SHANK2: variants seen among roughly 807,000 people sequenced by gnomAD.
The protein encoded by SHANK2 is SH3 and multiple ankyrin repeat domains protein 2.
Under a neutral mutation model 133.7 loss-of-function variants are expected in SHANK2, and 43 were observed. That is an observed-to-expected ratio of 0.32 (90% CI 0.25 to 0.41). The LOEUF (loss-of-function observed/expected upper bound fraction) is 0.41. Among genes scored for constraint, SHANK2 ranks in the 10% least tolerant of loss-of-function variants. SHANK2 has a pLI of 1.00. For missense variants in SHANK2, 1,994 were observed against 2,235.8 expected (o/e 0.89, Z 2.18); for synonymous variants, 1,017 against 952.8 (o/e 1.07, Z -1.24).
rs966863522 is a variant in SHANK2, at chr11:70,882,189, G to A, written c.1174+14312C>T. Among the ~76,000 whole-genome samples, 7 of 152,166 alleles carry A rather than the reference G, an allele frequency of 4.6e-5. No individual in the cohort carries two copies. Among genetic ancestry groups the A allele is most frequent in the African/African-American group, 7.2e-5 (3 of 41,440 alleles). On this transcript the variant is annotated intron_variant, in intron 11 of 25. Coordinates refer to ENST00000601538, the MANE Select transcript of SHANK2 (RefSeq NM_012309.5). This position sits in a 1 kb window ranked among gnomAD's most constrained non-coding sequence, Gnocchi z 4.2. The stretch of plus-strand genomic sequence containing the variant: ...GGAGGAGGAGGAGGAGGGAGGGAGT[G>A]GGGAAAGGGAAGGAATGAGCAAGGG...
At chr11:71,112,025 C>G (rs1951898568) in intron 5 of SHANK2, among the ~76,000 whole-genome samples, 1 of 152,180 alleles carries the variant, frequency 6.6e-6, no homozygotes, top group Non-Finnish European at 1.5e-5. Flanking sequence ...ACAGGAAGGG[C>G]AACTGCCGCC....
intron 6 of SHANK2, among the ~76,000 whole-genome samples, chr11:71,109,454 C>G (rs1555098649): frequency 6.6e-6 from 1 of 152,222 alleles, no homozygotes; most frequent in African/African-American, 2.4e-5. Context: ...CCACCAAGGG[C>G]CTGGGCCATC....
intron 6 of SHANK2, among the ~76,000 whole-genome samples, chr11:71,099,922 G>A (rs557165465): frequency 2.6e-5 from 4 of 152,030 alleles, no homozygotes; most frequent in African/African-American, 9.7e-5. Flanking sequence ...AGTGGCATAC[G>A]CCTGTAGTCC....
At chr11:71,218,743 G>A in intron 2 of SHANK2, among the ~76,000 whole-genome samples, 1 of 152,122 alleles carries the variant, frequency 6.6e-6, no homozygotes, top group East Asian at 1.9e-4. Context: ...AAAATCCAAT[G>A]ACCCCTGAAC....
chr11:70,472,920 G>A lies in SHANK2; in HGVS notation c.5499C>T (p.Val1833=), dbSNP rs782025034. 7.4e-6 allele frequency: 12 copies of A among 1,614,054 alleles called. No homozygotes were observed. The highest frequency in any genetic ancestry group is 1.7e-5 in the Admixed American group (1 of 60,002). Reference sequence around the variant, plus strand: ...CCCTTTCTATGTTCATTCTGTGCCCGACTCGAGTTACCCCAAGATCGATGA... The same window carrying A: ...CCCTTTCTATGTTCATTCTGTGCCCAACTCGAGTTACCCCAAGATCGATGA... ...EDLIDLGVTR[V]GHRMNIERAL... is the part of the protein sequence containing the mutation. The change falls in exon 26 of 26, where the codon GTC becomes GTT. Residue 1833 remains valine, a synonymous_variant. Transcript: ENST00000601538. The surrounding 1 kb of genome is among the most constrained non-coding windows in gnomAD (Gnocchi z 4.4).
At chr11:70,750,623 G>A (rs1167718367) in intron 14 of SHANK2, among the ~76,000 whole-genome samples, 1 of 152,226 alleles carries the variant, frequency 6.6e-6, no homozygotes. Flanking sequence ...ACTGTAGTGA[G>A]GAGGGAGCAG....
intron 12 of SHANK2, among the ~76,000 whole-genome samples, chr11:70,818,493 G>C (rs1433875712): frequency 3.3e-5 from 5 of 152,170 alleles, no homozygotes; most frequent in African/African-American, 1.2e-4. Flanking sequence ...TGCCTTTGCT[G>C]TCTTATTAGA....
intron 5 of SHANK2, among the ~76,000 whole-genome samples, chr11:71,110,387 G>A (rs921724323): frequency 2.0e-5 from 3 of 152,132 alleles, no homozygotes; most frequent in Non-Finnish European, 4.4e-5. Context: ...GCAGTGAGCC[G>A]AGATCGCGCC....
At chr11:70,857,005 A>G (rs545870073) in intron 11 of SHANK2, among the ~76,000 whole-genome samples, 79 of 152,346 alleles carry the variant, frequency 5.2e-4, no homozygotes, top group African/African-American at 1.7e-3. Flanking sequence ...TTTTGGACTT[A>G]CATCTCTTCC....
intron 14 of SHANK2, among the ~76,000 whole-genome samples, chr11:70,785,452 T>C (rs1947628230): frequency 6.6e-6 from 1 of 152,090 alleles, no homozygotes; most frequent in African/African-American, 2.4e-5. Context: ...TCCAAAAGTC[T>C]CCTCTCTCCT....
At chr11:70,811,516 TC>T in intron 12 of SHANK2, among the ~76,000 whole-genome samples, 1 of 152,122 alleles carries the variant, frequency 6.6e-6, no homozygotes, top group Non-Finnish European at 1.5e-5. Flanking sequence ...TACCTGTTCT[TC>T]CATCCATCCA....
chr11:71,121,178 C>T (rs1398119127), intron 3 of SHANK2, among the ~76,000 whole-genome samples: 3 of 152,210 alleles, frequency 2.0e-5, no homozygotes, highest in Non-Finnish European at 4.4e-5. Flanking sequence ...CCTAGGGAAA[C>T]CCACCCACCC....
chr11:70,534,118 C>T lies in SHANK2; in HGVS notation c.2062-31187G>A, dbSNP rs551788240. ...GGCAGTGTATTAGTCTGTTTTCCTG[C>T]TGCTATTAAGGACATACCCAAGACT... On this transcript the variant is annotated intron_variant, in intron 17 of 25. Transcript: ENST00000601538. 6.6e-5 allele frequency among the ~76,000 whole-genome samples: 10 copies of T among 152,296 alleles called. No homozygotes were observed. The South Asian group carries it at 1.9e-3, about 28-fold the overall frequency.
intron 14 of SHANK2, among the ~76,000 whole-genome samples, chr11:70,766,648 T>C (rs1947130091): frequency 6.6e-6 from 1 of 152,126 alleles, no homozygotes. Context: ...TACGTGGATA[T>C]CAATGCCCCT....
At chr11:70,546,602 C>T (rs1304210039) in intron 17 of SHANK2, among the ~76,000 whole-genome samples, 1 of 152,210 alleles carries the variant, frequency 6.6e-6, no homozygotes. Flanking sequence ...GCTTCCCTGA[C>T]CCTCATGCTA....
In SHANK2 at chr11:70,703,187, G is replaced by A. The variant is rs76128656; in HGVS notation, c.1778-4424C>T. 7.3e-3 allele frequency among the ~76,000 whole-genome samples: 1,114 copies of A among 152,248 alleles called. 9 individuals carry two copies. Among genetic ancestry groups the A allele is most frequent in the African/African-American group, 0.025 (1,044 of 41,552 alleles). On this transcript the variant is annotated intron_variant, in intron 14 of 25. Coordinates refer to ENST00000601538, the MANE Select transcript of SHANK2 (RefSeq NM_012309.5). ...CAGGGGCCACACGTATTCTAGGTGT[G>A]TGTGCTTCACCTGTCTGAGCTCAGT...
chr11:70,511,999 A>C (rs7126190), intron 17 of SHANK2, among the ~76,000 whole-genome samples: 3,251 of 152,310 alleles, frequency 0.021, 45 homozygotes, highest in South Asian at 0.084. Flanking sequence ...TCAGCTATTT[A>C]ATTTTATATC....
chr11:70,855,007 A>G (rs1590761738), intron 11 of SHANK2, among the ~76,000 whole-genome samples: 1 of 152,244 alleles, frequency 6.6e-6, no homozygotes, highest in Non-Finnish European at 1.5e-5. Context: ...CTGTCCATCA[A>G]TCTAGGAGGT....
chr11:70,562,956 C>T (rs1230502894), intron 17 of SHANK2, among the ~76,000 whole-genome samples: 2 of 152,312 alleles, frequency 1.3e-5, no homozygotes, highest in South Asian at 4.1e-4. Context: ...ACTGCAACCT[C>T]CACCACCTGG....
Sources: allele counts gnomAD v4.1 joint callset (sites outside exome capture counted in the v4.1 genomes callset), GRCh38; gene constraint gnomAD v4.1.1; non-coding constraint Gnocchi (gnomAD v3.1); transcripts MANE v1.5; gene names NCBI Gene and HGNC (gene_info 2026-07-23, HGNC 2026-07-21).